Variants in HDAC2 observed in about 807,000 individuals in gnomAD.
HDAC2 encodes YY1-associated factor 1.
In HDAC2, 5 loss-of-function variants were observed where a neutral mutation model predicts 68.5. The ratio of observed to expected loss-of-function variants is 0.07; its 90% CI spans 0.04 to 0.15. HDAC2 has a LOEUF of 0.15. Ranked by LOEUF, HDAC2 falls within the 10% of genes least tolerant of loss-of-function variation. HDAC2 has a pLI of 1.00. For missense variants in HDAC2, 291 were observed against 600.8 expected (o/e 0.48, Z 5.39); for synonymous variants, 182 against 191.3 (o/e 0.95, Z 0.40).
rs1334494619 is a variant in HDAC2, at chr6:113,939,918, A to G, written c.*1140T>C. 2 of 152,238 alleles carry G rather than the reference A, an allele frequency of 1.3e-5. No homozygotes were observed. The highest frequency in any genetic ancestry group is 2.4e-5 in the African/African-American group (1 of 41,474). 9.4% of individuals were successfully genotyped at this position (152,238 alleles called of 1,614,324 possible). A position where few individuals can be genotyped will look rare whatever the true frequency, so the allele number is the denominator to read the frequency against. ...ATATTTTACTGCACTGAAGAGAAATACTTTTGACTGAATTATCTTCTGGCA... is the reference window on the plus strand; with the variant it reads ...ATATTTTACTGCACTGAAGAGAAATGCTTTTGACTGAATTATCTTCTGGCA... On this transcript the variant is annotated 3_prime_UTR_variant, in exon 14 of 14. Coordinates refer to ENST00000519065, the MANE Select transcript of HDAC2 (RefSeq NM_001527.4).
chr6:113,966,747 G>A (rs1776832057), intron 1 of HDAC2, among the ~76,000 whole-genome samples: 1 of 152,032 alleles, frequency 6.6e-6, no homozygotes, highest in Admixed American at 6.6e-5. Context: ...GAAAAATAAG[G>A]CAATAACAGG....
intron 8 of HDAC2, chr6:113,947,583 A>T (rs779556196): frequency 3.3e-5 from 5 of 152,194 alleles, no homozygotes; most frequent in Admixed American, 6.5e-5. Context: ...CTTTCAAGTC[A>T]AAGAGGAAAA....
rs1327502387 is a variant in HDAC2, at chr6:113,956,138, C to T, written c.372G>A (p.Lys124=). The T allele has an allele frequency of 2.5e-6, 4 of 1,600,262 alleles. No individual in the cohort carries two copies. Among genetic ancestry groups the T allele is most frequent in the Non-Finnish European group, 3.4e-6 (4 of 1,176,210 alleles). Residue 124 remains lysine (K), a synonymous_variant, in exon 5 of 14, where the codon AAG becomes AAA. Coordinates refer to ENST00000519065, the MANE Select transcript of HDAC2 (RefSeq NM_001527.4). The part of the protein sequence containing the change: ...STGGSVAGAV[K]LNRQQTDMAV... ...CCATATCAGTCTGTTGTCGGTTTAACTTCACAGCTCCAGCTAAGAAGTAGA... is the reference window on the plus strand; with the variant it reads ...CCATATCAGTCTGTTGTCGGTTTAATTTCACAGCTCCAGCTAAGAAGTAGA...
At chr6:113,953,547 C>A in intron 5 of HDAC2, 129 bp from the exon 6 acceptor site, 1 of 552,390 alleles carries the variant, frequency 1.8e-6, no homozygotes, top group Non-Finnish European at 3.2e-6. Context: ...TTACATTCAG[C>A]CTAAGAGGTT....
At chr6:113,949,783 GTTC>G (rs1404106672) in intron 6 of HDAC2, among the ~76,000 whole-genome samples, 1 of 151,432 alleles carries the variant, frequency 6.6e-6, no homozygotes. Context: ...CACCAGATTT[GTTC>G]TTTTTTTTTT....
intron 2 of HDAC2, 107 bp from the exon 3 acceptor site, chr6:113,958,873 C>G (rs1408310924): frequency 4.1e-6 from 3 of 737,066 alleles, no homozygotes; most frequent in Non-Finnish European, 7.1e-6. Flanking sequence ...AGAACCAAGT[C>G]TACCAGAACA....
At chr6:113,952,974 T>C (rs1406378478) in intron 6 of HDAC2, among the ~76,000 whole-genome samples, 2 of 152,186 alleles carry the variant, frequency 1.3e-5, no homozygotes, top group Non-Finnish European at 2.9e-5. Context: ...TAGGCTACCA[T>C]CAGGTAGTTT....
chr6:113,963,170 A>G (rs892882144), intron 1 of HDAC2, among the ~76,000 whole-genome samples: 2 of 151,034 alleles, frequency 1.3e-5, no homozygotes, highest in African/African-American at 4.9e-5. Context: ...TGCAACCTCC[A>G]CCTCTGGGGT....
intron 8 of HDAC2, 97 bp downstream of exon 8, chr6:113,948,882 C>T: frequency 7.3e-7 from 1 of 1,369,970 alleles, no homozygotes; most frequent in Non-Finnish European, 1.0e-6. Flanking sequence ...AGTGTTAAAA[C>T]AGCAGGCAAG....
intron 1 of HDAC2, among the ~76,000 whole-genome samples, chr6:113,967,189 C>T (rs943214769): frequency 3.9e-5 from 6 of 152,064 alleles, no homozygotes; most frequent in Non-Finnish European, 7.4e-5. Flanking sequence ...TTGCCCATGG[C>T]ACTATCTTGG....
At chr6:113,952,932 T>C (rs1776456275) in intron 6 of HDAC2, among the ~76,000 whole-genome samples, 1 of 152,214 alleles carries the variant, frequency 6.6e-6, no homozygotes, top group South Asian at 2.1e-4. Flanking sequence ...TAGTCTATTT[T>C]ATTCCACCAT....
chr6:113,962,775 A>C (rs930869918), intron 1 of HDAC2, among the ~76,000 whole-genome samples: 2 of 151,824 alleles, frequency 1.3e-5, no homozygotes, highest in African/African-American at 4.8e-5. Context: ...CTTCCTGACA[A>C]ACATTGTGAA....
rs531082299 is a variant in HDAC2, at chr6:113,949,786, CT to C, written c.640-527del. Reference sequence around the variant, plus strand: ...TACCGACTAAAGCACCAGATTTGTTCTTTTTTTTTTTTTGAGACAGAGTTTT... The same window carrying C: ...TACCGACTAAAGCACCAGATTTGTTCTTTTTTTTTTTTGAGACAGAGTTTT... On this transcript the variant is annotated intron_variant, in intron 6 of 13. Coordinates refer to ENST00000519065, the MANE Select transcript of HDAC2 (RefSeq NM_001527.4). 4.6e-3 allele frequency among the ~76,000 whole-genome samples: 661 copies of C among 145,052 alleles called. 5 individuals are homozygous for C. The highest frequency in any genetic ancestry group is 0.01 in the African/African-American group (415 of 39,874).
At chr6:113,956,480 T>C (rs1776557216) in intron 4 of HDAC2, 139 bp downstream of exon 4, 1 of 644,420 alleles carries the variant, frequency 1.6e-6, no homozygotes, top group East Asian at 2.7e-5. Flanking sequence ...GAAAGTAAAT[T>C]GTACTTTACT....
At chr6:113,970,333 G>T in intron 1 of HDAC2, 1 of 418,018 alleles carries the variant, frequency 2.4e-6, no homozygotes, top group Non-Finnish European at 3.2e-6. Flanking sequence ...GGTAGGGGAG[G>T]CGAGCAGGCG....
chr6:113,944,200 T>C (rs557445821), intron 11 of HDAC2, 80 bp downstream of exon 11: 3 of 1,184,740 alleles, frequency 2.5e-6, no homozygotes, highest in Admixed American at 1.8e-5. Context: ...CATGACTTTA[T>C]AGTGAAGTTC....
intron 8 of HDAC2, chr6:113,946,815 C>T (rs1356395196): frequency 6.6e-6 from 1 of 151,960 alleles, no homozygotes; most frequent in African/African-American, 2.4e-5. Context: ...CAGTTAGGCA[C>T]ATAACTCAAT....
rs1562135716 is a variant in HDAC2 at position 113,933,749 on chromosome 6, T to G, written c.*7309A>C. The G allele has an allele frequency of 1.3e-5, 2 of 151,638 alleles. No individual in the cohort carries two copies. Among genetic ancestry groups the G allele is most frequent in the Non-Finnish European group, 2.9e-5 (2 of 67,926 alleles). The allele number at this position is 151,638 out of a possible 1,614,324, so 9.4% of individuals were successfully genotyped here. On this transcript the variant is annotated 3_prime_UTR_variant, in exon 14 of 14. Transcript: ENST00000519065. ...GTGGCTGCTCCTTGTCTGACATTCT[T>G]TGTGTGTGTGTATGTATATTATATA... is the stretch of plus-strand genomic sequence containing the variant.
chr6:113,944,988 T>C (rs142346350), intron 10 of HDAC2, among the ~76,000 whole-genome samples: 13 of 152,242 alleles, frequency 8.5e-5, no homozygotes, highest in East Asian at 3.9e-4. Flanking sequence ...AAATAACTTA[T>C]AGTGCACCTT....
Sources: gnomAD v4.1 joint callset for allele counts (sites outside exome capture counted in the v4.1 genomes callset) on GRCh38, gnomAD v4.1.1 for gene constraint, MANE v1.5 for transcripts, NCBI Gene and HGNC (gene_info 2026-07-23, HGNC 2026-07-21) for gene names.